ALCAM: variants seen among roughly 807,000 people sequenced by gnomAD.
ALCAM encodes the protein activated leukocyte cell adhesion molecule.
A neutral mutation model predicts 70.9 loss-of-function variants in ALCAM; 30 were observed. The ratio of observed to expected loss-of-function variants is 0.42; its 90% confidence interval spans 0.32 to 0.57. The LOEUF (loss-of-function observed/expected upper bound fraction) is 0.57, where lower values mean the gene tolerates loss of function less well. ALCAM is among the 20% of genes least tolerant of loss of function. The probability of loss-of-function intolerance (pLI) is 0.11; values close to 1 mark genes in which losing one functional copy is unlikely to be tolerated. For missense variants in ALCAM, 591 were observed against 695.1 expected, an observed-to-expected ratio of 0.85 and a Z score of 1.68; for synonymous variants, 249 against 242.5, an observed-to-expected ratio of 1.03 and a Z score of -0.25.
rs532611867 is a variant in ALCAM, at chr3:105,522,943, T to A, written c.175-1346T>A. On this transcript the variant is annotated intron_variant, in intron 2 of 15. Transcript: ENST00000306107. ...TCACGAGGTCAGGAGATCGAGACTATCCTGGCTAACAGGGTGAAACCCCGT... is the reference window on the plus strand; with the variant it reads ...TCACGAGGTCAGGAGATCGAGACTAACCTGGCTAACAGGGTGAAACCCCGT... Among the ~76,000 whole-genome samples, 434 of 151,972 alleles carry A rather than the reference T, an allele frequency of 2.9e-3. 3 individuals are homozygous for A. The highest frequency in any genetic ancestry group is 9.8e-3 in the African/African-American group (405 of 41,470).
chr3:105,482,433 AAT>A (rs1464966859), intron 1 of ALCAM, among the ~76,000 whole-genome samples: 1 of 152,162 alleles, frequency 6.6e-6, no homozygotes, highest in African/African-American at 2.4e-5. Context: ...TTAAAAGAAA[AAT>A]TTCAAAAATC....
intron 1 of ALCAM, among the ~76,000 whole-genome samples, chr3:105,428,940 T>C (rs180841541): frequency 2.2e-4 from 33 of 152,088 alleles, no homozygotes; most frequent in East Asian, 1.9e-4. Flanking sequence ...AACCATCATA[T>C]TGGGCACAAA....
chr3:105,397,152 C>G (rs1030977300), intron 1 of ALCAM, among the ~76,000 whole-genome samples: 1 of 152,070 alleles, frequency 6.6e-6, no homozygotes, highest in Admixed American at 6.6e-5. Flanking sequence ...GAGGCCATTA[C>G]TCTGCCTTTT....
chr3:105,529,169 T>G (rs906988011), intron 3 of ALCAM, among the ~76,000 whole-genome samples: 3 of 152,112 alleles, frequency 2.0e-5, no homozygotes, highest in African/African-American at 4.8e-5. Flanking sequence ...AAAAAGAAAA[T>G]AAACAAAGGC....
chr3:105,481,214 C>T (rs1162595288), intron 1 of ALCAM, among the ~76,000 whole-genome samples: 1 of 151,950 alleles, frequency 6.6e-6, no homozygotes, highest in Non-Finnish European at 1.5e-5. Context: ...AAAGCAAATG[C>T]CACTAGATTT....
intron 14 of ALCAM, among the ~76,000 whole-genome samples, chr3:105,565,202 G>A (rs2152634982): frequency 6.6e-6 from 1 of 152,236 alleles, no homozygotes; most frequent in East Asian, 1.9e-4. Flanking sequence ...TTGAAAATTT[G>A]GAAAAAATTT....
At chr3:105,463,506 AT>A (rs1937633717) in intron 1 of ALCAM, among the ~76,000 whole-genome samples, 3 of 151,630 alleles carry the variant, frequency 2.0e-5, no homozygotes, top group Admixed American at 2.0e-4. Context: ...TTCTTAAGGC[AT>A]TTTGGTGAAC....
At chr3:105,370,280 A>G (rs1234792283) in intron 1 of ALCAM, among the ~76,000 whole-genome samples, 1 of 152,182 alleles carries the variant, frequency 6.6e-6, no homozygotes, top group Admixed American at 6.5e-5. Flanking sequence ...AAAACTAAAA[A>G]CTGTTTAACA....
chr3:105,367,437 G>T lies in ALCAM; in HGVS notation c.29G>T (p.Arg10Leu). 6.2e-7 allele frequency: 1 copy of T among 1,614,004 alleles called. No individual in the cohort carries two copies. The highest frequency in any genetic ancestry group is 8.5e-7 in the Non-Finnish European group (1 of 1,179,928). MESKGASSC[R>L]LLFCLLISAT... is the part of the protein sequence containing the mutation. ...GAATCCAAGGGGGCCAGTTCCTGCC[G>T]TCTGCTCTTCTGCCTCTTGATCTCC... is the stretch of plus-strand genomic sequence containing the variant. Residue 10 changes from arginine to leucine, a missense_variant, in exon 1 of 16, where the codon CGT becomes CTT. Physicochemically the swap from Arg to Leu is moderately radical, Grantham distance 102. This residue lies in a region of ALCAM where 427 missense variants were observed against 450.4 expected (regional missense o/e 0.95). Coordinates refer to ENST00000306107, the MANE Select transcript of ALCAM (RefSeq NM_001627.4).
rs10933819 is a variant in ALCAM at position 105,534,801 on chromosome 3, G to A, written c.686G>A (p.Gly229Asp). 3.6e-4 allele frequency: 583 copies of A among 1,613,506 alleles called. 3 individuals are homozygous for A. In the East Asian group the frequency reaches 5.6e-3, roughly 16 times the overall value. ...TCSVTYYGPS[G>D]QKTIHSEQAV... ...TCGGTGACATATTATGGACCATCTG[G>A]CCAGAAAACAATTCATTCTGAACAG... The change falls in exon 6 of 16, where the codon GGC becomes GAC. Residue 229 changes from glycine to aspartate, a missense_variant. Transcript: ENST00000306107.
chr3:105,534,954 T>A, intron 6 of ALCAM, 109 bp downstream of exon 6: 1 of 1,073,466 alleles, frequency 9.3e-7, no homozygotes, highest in Non-Finnish European at 1.3e-6. Context: ...CTGCTTCCAG[T>A]CTGCACCCCA....
intron 1 of ALCAM, among the ~76,000 whole-genome samples, chr3:105,392,444 T>G (rs1332464384): frequency 6.6e-6 from 1 of 151,870 alleles, no homozygotes; most frequent in African/African-American, 2.4e-5. Flanking sequence ...TTATTATGTC[T>G]GTTTGATTGT....
chr3:105,564,665 T>G (rs1224148460), intron 14 of ALCAM, among the ~76,000 whole-genome samples: 2 of 152,252 alleles, frequency 1.3e-5, no homozygotes, highest in African/African-American at 4.8e-5. Context: ...CTTAAAGATG[T>G]GCCATTGCTT....
chr3:105,419,306 G>A (rs926850157), intron 1 of ALCAM, among the ~76,000 whole-genome samples: 2 of 151,778 alleles, frequency 1.3e-5, no homozygotes, highest in Non-Finnish European at 2.9e-5. Flanking sequence ...GTCACGTTCA[G>A]ATTGACGCCA....
intron 1 of ALCAM, among the ~76,000 whole-genome samples, chr3:105,388,912 A>G (rs1413632844): frequency 6.6e-6 from 1 of 151,658 alleles, no homozygotes; most frequent in Non-Finnish European, 1.5e-5. Context: ...ATGAAAGAAA[A>G]ATGGAAGAAA....
At chr3:105,456,461 C>T (rs1398874345) in intron 1 of ALCAM, among the ~76,000 whole-genome samples, 3 of 152,148 alleles carry the variant, frequency 2.0e-5, no homozygotes, top group Admixed American at 1.3e-4. Flanking sequence ...AGGAACAAAG[C>T]TTCCTTTCCT....
intron 1 of ALCAM, among the ~76,000 whole-genome samples, chr3:105,464,915 T>C (rs1177249102): frequency 2.0e-5 from 3 of 151,374 alleles, no homozygotes; most frequent in African/African-American, 7.3e-5. Context: ...TAGAACATCT[T>C]CGTCACCCAA....
At chr3:105,418,646 T>C (rs1275915932) in intron 1 of ALCAM, among the ~76,000 whole-genome samples, 1 of 151,808 alleles carries the variant, frequency 6.6e-6, no homozygotes, top group African/African-American at 2.4e-5. Context: ...TGCCACTAAG[T>C]TAATTTGATG....
chr3:105,569,320 G>A (rs528820910), intron 14 of ALCAM, among the ~76,000 whole-genome samples: 1 of 152,164 alleles, frequency 6.6e-6, no homozygotes, highest in African/African-American at 2.4e-5. Context: ...AAAAAAGAGA[G>A]GAGAGAAGAG....
Sources: gnomAD v4.1 joint callset for allele counts (sites outside exome capture counted in the v4.1 genomes callset) on GRCh38, gnomAD v4.1.1 for gene constraint, gnomAD v4.1.1 regional missense constraint, MANE v1.5 for transcripts, NCBI Gene and HGNC (gene_info 2026-07-23, HGNC 2026-07-21) for gene names.